The following IMMP2L variants were observed in gnomAD, a reference collection of about 807,000 sequenced individuals.
IMMP2L encodes inner mitochondrial membrane peptidase subunit 2.
In IMMP2L, 18 loss-of-function variants were observed where a neutral mutation model predicts 19.3. The ratio of observed to expected loss-of-function variants is 0.93; its 90% CI spans 0.64 to 1.38. The LOEUF (loss-of-function observed/expected upper bound fraction) is 1.38, where lower values mean the gene tolerates loss of function less well. Among genes scored for constraint, IMMP2L ranks in the 40% most tolerant of loss-of-function variants. IMMP2L has a pLI of 0.00. For synonymous variants in IMMP2L, 76 were observed against 73.0 expected (o/e 1.04, Z -0.21); for missense variants, 233 against 218.2 (o/e 1.07, Z -0.43).
At chr7:111,068,782 C>T (rs1794719100) in intron 3 of IMMP2L, among the ~76,000 whole-genome samples, 1 of 152,180 alleles carries the variant, frequency 6.6e-6, no homozygotes. Context: ...CCTGTCTAGT[C>T]TCTGAACTTT....
chr7:111,227,929 T>G (rs1233622248), intron 3 of IMMP2L, among the ~76,000 whole-genome samples: 1 of 152,136 alleles, frequency 6.6e-6, no homozygotes, highest in Admixed American at 6.6e-5. Flanking sequence ...CTTCTACTAT[T>G]AATCTGTTGT....
At chr7:111,421,597 T>A (rs1182988853) in intron 3 of IMMP2L, among the ~76,000 whole-genome samples, 1 of 151,684 alleles carries the variant, frequency 6.6e-6, no homozygotes, top group African/African-American at 2.4e-5. Flanking sequence ...TTGGTTTGAG[T>A]ACTTTGTAGA....
In IMMP2L at chr7:110,924,453, C is replaced by T. The variant is rs560783035; in HGVS notation, c.306-37758G>A. Among the ~76,000 whole-genome samples, 1 of 152,206 alleles carries T rather than the reference C, an allele frequency of 6.6e-6. No individual in the cohort carries two copies. Among genetic ancestry groups the T allele is most frequent in the East Asian group, 1.9e-4 (1 of 5,172 alleles). ...AAGGGGCCCCATCCTTCTGGCCAGT[C>T]ACAAGGTCCTCTTGCTGCAGGTACC... On this transcript the variant is annotated intron_variant, in intron 4 of 5. Coordinates refer to ENST00000405709, the MANE Select transcript of IMMP2L (RefSeq NM_032549.4). The surrounding 1 kb of genome is among the most constrained non-coding windows in gnomAD (Gnocchi z 4.2).
chr7:111,560,407 A>G (rs2133200389), intron 1 of IMMP2L, among the ~76,000 whole-genome samples: 1 of 152,314 alleles, frequency 6.6e-6, no homozygotes, highest in East Asian at 1.9e-4. Context: ...GATTCCTAAT[A>G]TTAGGTCCTT....
chr7:110,954,754 A>C (rs1218955495), intron 4 of IMMP2L, among the ~76,000 whole-genome samples: 1 of 152,124 alleles, frequency 6.6e-6, no homozygotes, highest in Non-Finnish European at 1.5e-5. Flanking sequence ...ACTAGGCACA[A>C]ATAAATAAAC....
At chr7:111,108,699 AC>A (rs1347319996) in intron 3 of IMMP2L, among the ~76,000 whole-genome samples, 5 of 152,166 alleles carry the variant, frequency 3.3e-5, no homozygotes, top group South Asian at 2.1e-4. Flanking sequence ...TTTAAAAAAA[AC>A]ATATTTATTT....
At chr7:111,087,528 A>T (rs984523446) in intron 3 of IMMP2L, among the ~76,000 whole-genome samples, 2 of 151,990 alleles carry the variant, frequency 1.3e-5, no homozygotes, top group Non-Finnish European at 1.5e-5. Context: ...TTATATATCA[A>T]TCCCAATTTG....
rs188704557 is a variant in IMMP2L at position 111,081,106 on chromosome 7, A to C, written c.240-117541T>G. On this transcript the variant is annotated intron_variant, in intron 3 of 5. Coordinates refer to ENST00000405709, the MANE Select transcript of IMMP2L (RefSeq NM_032549.4). ...ATAAACTTTCTTCTTTCATGCTTTC[A>C]AATTTAGGGCCTTTTTAGTGGTGTT... Among the ~76,000 whole-genome samples the C allele has an allele frequency of 7.5e-3, 1,136 of 152,264 alleles. 11 individuals carry two copies. The highest frequency in any genetic ancestry group is 0.011 in the Admixed American group (168 of 15,286).
intron 3 of IMMP2L, among the ~76,000 whole-genome samples, chr7:111,444,220 T>C (rs551000665): frequency 6.6e-6 from 1 of 152,308 alleles, no homozygotes; most frequent in South Asian, 2.1e-4. Flanking sequence ...CATATTCATG[T>C]ATCCGCTGAT....
At chr7:110,912,226 T>C (rs1190134512) in intron 4 of IMMP2L, among the ~76,000 whole-genome samples, 1 of 152,086 alleles carries the variant, frequency 6.6e-6, no homozygotes, top group Non-Finnish European at 1.5e-5. Flanking sequence ...GCTGTACCTA[T>C]CAGAATCTTA....
rs550648828 is a variant in IMMP2L, at chr7:110,789,947, A to C, written c.408+96646T>G. ...ATTCTCTAAACACTTTCCATAAAGT[A>C]GCACATCTTATGCCCATGGATCTTA... is the stretch of plus-strand genomic sequence containing the variant. On this transcript the variant is annotated intron_variant, in intron 5 of 5. Coordinates refer to ENST00000405709, the MANE Select transcript of IMMP2L (RefSeq NM_032549.4). Among the ~76,000 whole-genome samples, 81 of 151,836 alleles carry C rather than the reference A, an allele frequency of 5.3e-4. 1 individual carries two copies. Among genetic ancestry groups the C allele is most frequent in the Admixed American group, 2.2e-3 (34 of 15,266 alleles).
At chr7:111,511,560 A>ATT (rs1238820468) in intron 2 of IMMP2L, among the ~76,000 whole-genome samples, 3 of 151,726 alleles carry the variant, frequency 2.0e-5, no homozygotes, top group African/African-American at 7.3e-5. Context: ...GAGGCACAAG[A>ATT]ATGTCTTGAG....
intron 3 of IMMP2L, among the ~76,000 whole-genome samples, chr7:111,371,042 G>A (rs370258049): frequency 1.3e-5 from 2 of 151,774 alleles, no homozygotes; most frequent in Admixed American, 6.6e-5. Context: ...CCATTCTTAG[G>A]CATCTCCAAA....
chr7:110,759,166 TCA>T (rs1798203783), intron 5 of IMMP2L, among the ~76,000 whole-genome samples: 1 of 152,110 alleles, frequency 6.6e-6, no homozygotes, highest in African/African-American at 2.4e-5. Flanking sequence ...AGCTCAAATG[TCA>T]CTGCCACTGG....
At chr7:111,557,136 C>A (rs1356329465) in intron 1 of IMMP2L, among the ~76,000 whole-genome samples, 1 of 152,138 alleles carries the variant, frequency 6.6e-6, no homozygotes, top group African/African-American at 2.4e-5. Context: ...ATTCCCACTA[C>A]TTCCACCTTT....
At chr7:111,357,494 T>C (rs1017770154) in intron 3 of IMMP2L, among the ~76,000 whole-genome samples, 1 of 152,116 alleles carries the variant, frequency 6.6e-6, no homozygotes, top group Non-Finnish European at 1.5e-5. Flanking sequence ...CTAATTTACA[T>C]AGCCCCCTAA....
At chr7:110,976,026 T>C (rs1265469922) in intron 3 of IMMP2L, among the ~76,000 whole-genome samples, 1 of 152,054 alleles carries the variant, frequency 6.6e-6, no homozygotes, top group Non-Finnish European at 1.5e-5. Flanking sequence ...TATCTAAATG[T>C]GAAAAATTAA....
intron 4 of IMMP2L, among the ~76,000 whole-genome samples, chr7:110,932,590 G>A (rs1051948460): frequency 2.0e-5 from 3 of 152,070 alleles, no homozygotes; most frequent in African/African-American, 4.8e-5. Context: ...TCCTGACCTC[G>A]TGATCTACCC....
intron 3 of IMMP2L, among the ~76,000 whole-genome samples, chr7:111,306,742 T>C (rs142529281): frequency 2.1e-3 from 324 of 151,734 alleles, no homozygotes; most frequent in Non-Finnish European, 3.8e-3. Context: ...AAGCAATCTT[T>C]AGAGACTCTT....
Sources: allele counts gnomAD v4.1 joint callset (sites outside exome capture counted in the v4.1 genomes callset), GRCh38; gene constraint gnomAD v4.1.1; non-coding constraint Gnocchi (gnomAD v3.1); transcripts MANE v1.5; gene names NCBI Gene and HGNC (gene_info 2026-07-23, HGNC 2026-07-21).